MICOS10: variants seen among roughly 807,000 people sequenced by gnomAD.
MICOS10 encodes the protein mitochondrial contact site and cristae organizing system subunit 10.
MICOS10 carries 5 observed loss-of-function variants against 13.4 expected under a neutral mutation model. That is an observed-to-expected ratio of 0.37 (90% CI 0.20 to 0.78). MICOS10 has a LOEUF of 0.78. MICOS10 is among the 30% of genes least tolerant of loss of function. MICOS10 has a pLI of 0.47. For missense variants in MICOS10, 101 were observed against 94.6 expected (o/e 1.07, Z -0.28); for synonymous variants, 35 against 33.6 (o/e 1.04, Z -0.15).
At chr1:19,613,749 C>T (rs1275292556) in intron 1 of MICOS10, among the ~76,000 whole-genome samples, 1 of 152,136 alleles carries the variant, frequency 6.6e-6, no homozygotes, top group African/African-American at 2.4e-5. Flanking sequence ...GTTTAGTTTT[C>T]CTGTGGTGGG....
chr1:19,603,984 A>G (rs2094825707), intron 1 of MICOS10, among the ~76,000 whole-genome samples: 1 of 152,228 alleles, frequency 6.6e-6, no homozygotes, highest in Admixed American at 6.5e-5. Context: ...GACATTTACA[A>G]GGAGCCCCTA....
At chr1:19,610,526 G>A (rs950889534) in intron 1 of MICOS10, among the ~76,000 whole-genome samples, 13 of 151,130 alleles carry the variant, frequency 8.6e-5, no homozygotes, top group African/African-American at 2.9e-4. Context: ...TTACAGGCTC[G>A]TACCACCATG....
intron 3 of MICOS10, chr1:19,625,536 G>A (rs1396841488): frequency 1.9e-5 from 25 of 1,289,314 alleles, no homozygotes; most frequent in Middle Eastern, 2.1e-4. Flanking sequence ...CACTGAAGCC[G>A]GCAGCCGGCC....
chr1:19,601,241 G>A (rs574922921), intron 1 of MICOS10: 50 of 337,910 alleles, frequency 1.5e-4, no homozygotes, highest in African/African-American at 1.1e-3. Context: ...TGTAGGAAGA[G>A]GCATTTATTT....
intron 1 of MICOS10, among the ~76,000 whole-genome samples, chr1:19,617,848 C>T (rs1355467922): frequency 1.3e-5 from 2 of 151,990 alleles, no homozygotes; most frequent in African/African-American, 2.4e-5. Context: ...ATATTGATTA[C>T]ATTTTAAAGC....
chr1:19,623,724 C>T, intron 3 of MICOS10, 141 bp downstream of exon 3: 1 of 619,494 alleles, frequency 1.6e-6, no homozygotes, highest in South Asian at 2.1e-5. Flanking sequence ...TGCTCTTTGG[C>T]CTTCAGTGAT....
At chr1:19,608,395 C>G (rs1460066324) in intron 1 of MICOS10, 1 of 1,259,244 alleles carries the variant, frequency 7.9e-7, no homozygotes, top group African/African-American at 1.5e-5. Flanking sequence ...TTGCCCTACA[C>G]ATCCAACTCC....
At chr1:19,617,193 T>G (rs1345344211) in intron 1 of MICOS10, 2 of 797,618 alleles carry the variant, frequency 2.5e-6, no homozygotes, top group African/African-American at 3.7e-5. Context: ...CAGTAATGAC[T>G]CCACATTTAC....
intron 1 of MICOS10, among the ~76,000 whole-genome samples, chr1:19,618,531 C>A (rs1284979033): frequency 6.6e-6 from 1 of 152,100 alleles, no homozygotes; most frequent in Non-Finnish European, 1.5e-5. Flanking sequence ...TAGAGACTTT[C>A]CATTTTTCTA....
intron 1 of MICOS10, among the ~76,000 whole-genome samples, chr1:19,610,637 G>A (rs1460800398): frequency 6.6e-6 from 1 of 151,834 alleles, no homozygotes; most frequent in Non-Finnish European, 1.5e-5. Context: ...TCCAATCTAA[G>A]CCATTAGGAT....
chr1:19,605,300 A>G (rs565663347), intron 1 of MICOS10, among the ~76,000 whole-genome samples: 19 of 152,312 alleles, frequency 1.2e-4, no homozygotes, highest in African/African-American at 4.1e-4. Flanking sequence ...TTTCCTATTT[A>G]AAGTGTACAA....
At chr1:19,601,016 C>T (rs138701908) in intron 1 of MICOS10, 6 of 1,288,968 alleles carry the variant, frequency 4.7e-6, no homozygotes, top group Non-Finnish European at 2.0e-6. Flanking sequence ...AAGTGTTTTG[C>T]TTCCAGGGTT....
chr1:19,612,338 C>T (rs946417809), intron 1 of MICOS10, among the ~76,000 whole-genome samples: 24 of 151,714 alleles, frequency 1.6e-4, no homozygotes, highest in African/African-American at 4.6e-4. Context: ...GTGTGAGCCA[C>T]GTGCCAAGCC....
intron 1 of MICOS10, among the ~76,000 whole-genome samples, chr1:19,620,464 AT>A (rs796394754): frequency 2.0e-5 from 3 of 152,228 alleles, no homozygotes; most frequent in Admixed American, 6.5e-5. Context: ...TTTCTGAATT[AT>A]TTTTTTTCCA....
chr1:19,610,280 T>G (rs1225372840), intron 1 of MICOS10, among the ~76,000 whole-genome samples: 3 of 141,744 alleles, frequency 2.1e-5, no homozygotes, highest in African/African-American at 7.6e-5. Context: ...TGAGTACAAA[T>G]CAGAAAAAAT....
At chr1:19,623,752 G>C (rs1570510410) in intron 3 of MICOS10, 169 bp downstream of exon 3, 1 of 566,384 alleles carries the variant, frequency 1.8e-6, no homozygotes, top group East Asian at 2.9e-5. Context: ...CTGCTTTGGT[G>C]CTAAAGTCTC....
At chr1:19,610,721 A>G (rs2094857472) in intron 1 of MICOS10, among the ~76,000 whole-genome samples, 1 of 152,142 alleles carries the variant, frequency 6.6e-6, no homozygotes, top group African/African-American at 2.4e-5. Flanking sequence ...CCTTACTTTG[A>G]TAAATGTTTA....
intron 1 of MICOS10, among the ~76,000 whole-genome samples, chr1:19,603,636 A>G (rs2094824348): frequency 6.6e-6 from 1 of 152,228 alleles, no homozygotes; most frequent in Admixed American, 6.5e-5. Context: ...ATGTGAGACC[A>G]GAGTAAGGAA....
chr1:19,602,198 A>G (rs987523054), intron 1 of MICOS10, among the ~76,000 whole-genome samples: 7 of 152,206 alleles, frequency 4.6e-5, no homozygotes, highest in African/African-American at 1.7e-4. Context: ...GGAGGCGTAC[A>G]ATAATTATTG....
Sources: gnomAD v4.1 joint callset for allele counts (sites outside exome capture counted in the v4.1 genomes callset) on GRCh38, gnomAD v4.1.1 for gene constraint, MANE v1.5 for transcripts, NCBI Gene and HGNC (gene_info 2026-07-23, HGNC 2026-07-21) for gene names.